Variants in TRHDE observed in about 807,000 individuals in gnomAD.
TRHDE encodes thyrotropin-releasing hormone-degrading ectoenzyme.
TRHDE carries 72 observed loss-of-function variants against 125.7 expected under a neutral mutation model. That is an observed-to-expected ratio of 0.57 (90% CI 0.47 to 0.70). The LOEUF (loss-of-function observed/expected upper bound fraction) is 0.70. Ranked by LOEUF, TRHDE falls within the 30% of genes least tolerant of loss-of-function variation. The pLI is 0.00. For synonymous variants in TRHDE, 509 were observed against 509.1 expected (o/e 1.00, Z 0.00); for missense variants, 1,110 against 1,327.1 (o/e 0.84, Z 2.54).
intron 6 of TRHDE, among the ~76,000 whole-genome samples, chr12:72,534,772 T>C (rs985944981): frequency 6.6e-6 from 1 of 152,134 alleles, no homozygotes; most frequent in African/African-American, 2.4e-5. Flanking sequence ...TACTATGGTA[T>C]GGGCTTTTCC....
intron 2 of TRHDE, among the ~76,000 whole-genome samples, chr12:72,177,161 G>C (rs1877006883): frequency 6.6e-6 from 1 of 151,978 alleles, no homozygotes; most frequent in Non-Finnish European, 1.5e-5. Flanking sequence ...ACTAAGGACA[G>C]ATATGATTGG....
intron 13 of TRHDE, among the ~76,000 whole-genome samples, chr12:72,620,613 A>G (rs376823832): frequency 1.9e-4 from 29 of 152,260 alleles, no homozygotes; most frequent in Non-Finnish European, 4.0e-4. Context: ...TTGACTTTGA[A>G]ATATCATTAT....
At chr12:72,552,464 G>A (rs1869723281) in intron 7 of TRHDE, among the ~76,000 whole-genome samples, 1 of 152,116 alleles carries the variant, frequency 6.6e-6, no homozygotes, top group Non-Finnish European at 1.5e-5. Flanking sequence ...AACACGCCTT[G>A]AACAACTGTA....
chr12:72,626,837 G>A (rs10879471), intron 15 of TRHDE, among the ~76,000 whole-genome samples: 29,296 of 151,812 alleles, frequency 0.19, 5,937 homozygotes, highest in African/African-American at 0.52. Flanking sequence ...TGTATATCTC[G>A]TCCAGAAACC....
chr12:72,634,799 A>G (rs1238238041), intron 15 of TRHDE, among the ~76,000 whole-genome samples: 6 of 151,152 alleles, frequency 4.0e-5, no homozygotes, highest in African/African-American at 2.4e-5. Context: ...ATGATTTCCA[A>G]TTTCATCCAT....
intron 2 of TRHDE, among the ~76,000 whole-genome samples, chr12:72,162,663 CTGTTGTGTGCAATGGAGCTCTGAGTG>C (rs1353305120): frequency 6.6e-6 from 1 of 152,140 alleles, no homozygotes. Flanking sequence ...AAAGTGGATT[CTGTTGTGTGCAATGGAGCTCTGAGTG>C]ATAAAGTAAT....
At chr12:72,312,213 C>T (rs1342273846) in intron 2 of TRHDE, among the ~76,000 whole-genome samples, 1 of 152,184 alleles carries the variant, frequency 6.6e-6, no homozygotes, top group Non-Finnish European at 1.5e-5. Context: ...TGCTGATTTC[C>T]TGTATTGCTG....
chr12:72,323,597 A>T (rs778980380), intron 2 of TRHDE, among the ~76,000 whole-genome samples: 1 of 152,084 alleles, frequency 6.6e-6, no homozygotes, highest in African/African-American at 2.4e-5. Context: ...GCTGGATTAT[A>T]TAAGGGTACC....
At chr12:72,270,885 C>T (rs1879183497), upstream of TRHDE, among the ~76,000 whole-genome samples, 1 of 152,150 alleles carries the variant, frequency 6.6e-6, no homozygotes, top group South Asian at 2.1e-4. Flanking sequence ...GGGCTATGAA[C>T]CTATTTTGAT....
At chr12:72,369,815 T>G (rs570439749) in intron 2 of TRHDE, among the ~76,000 whole-genome samples, 1 of 152,128 alleles carries the variant, frequency 6.6e-6, no homozygotes, top group Non-Finnish European at 1.5e-5. Context: ...TAAAGCCTAG[T>G]AAGCAATTTA....
At chr12:72,503,619 T>C (rs1878242790) in intron 6 of TRHDE, among the ~76,000 whole-genome samples, 1 of 152,356 alleles carries the variant, frequency 6.6e-6, no homozygotes, top group East Asian at 1.9e-4. Context: ...TGATATGTAG[T>C]ATTAACTTTC....
chr12:72,533,032 T>C (rs1049146895), intron 6 of TRHDE, among the ~76,000 whole-genome samples: 4 of 152,110 alleles, frequency 2.6e-5, no homozygotes, highest in African/African-American at 4.8e-5. Context: ...AAGGGTAATA[T>C]GTGACAGTGT....
chr12:72,438,843 G>A (rs1874865797), intron 3 of TRHDE, among the ~76,000 whole-genome samples: 1 of 151,760 alleles, frequency 6.6e-6, no homozygotes, highest in South Asian at 2.1e-4. Context: ...CATCTAAAAA[G>A]GCATTGCCTA....
At chr12:72,431,525 G>T (rs758221963) in intron 3 of TRHDE, among the ~76,000 whole-genome samples, 1 of 151,960 alleles carries the variant, frequency 6.6e-6, no homozygotes, top group Non-Finnish European at 1.5e-5. Flanking sequence ...TGGAAAAAAT[G>T]CCACTATCTG....
At chr12:72,473,284 T>A in intron 5 of TRHDE, 104 bp downstream of exon 5, 2 of 771,526 alleles carry the variant, frequency 2.6e-6, no homozygotes, top group Non-Finnish European at 4.2e-6. Context: ...AACTGATGCA[T>A]GAAAATGTAT....
At chr12:72,174,601 T>A (rs1190804796) in intron 2 of TRHDE, among the ~76,000 whole-genome samples, 4 of 152,208 alleles carry the variant, frequency 2.6e-5, no homozygotes, top group Non-Finnish European at 4.4e-5. Flanking sequence ...TTTTCCTTCA[T>A]GGATGATATG....
chr12:72,267,827 G>T (rs960063766), upstream of TRHDE, among the ~76,000 whole-genome samples: 1 of 152,058 alleles, frequency 6.6e-6, no homozygotes, highest in Non-Finnish European at 1.5e-5. Context: ...GGTGTTAGTT[G>T]TTGTGGACAA....
chr12:72,638,204 T>C (rs1186510231), intron 15 of TRHDE, among the ~76,000 whole-genome samples: 4 of 148,262 alleles, frequency 2.7e-5, no homozygotes, highest in African/African-American at 1.0e-4. Flanking sequence ...TGGGTGCATA[T>C]ATATTTAGGA....
In TRHDE at chr12:72,559,009, T is replaced by C. The variant is rs530841173; in HGVS notation, c.1789-3156T>C. Among the ~76,000 whole-genome samples, 4 of 152,284 alleles carry C rather than the reference T, an allele frequency of 2.6e-5. No individual in the cohort carries two copies. In the East Asian group the frequency reaches 7.7e-4, roughly 29 times the overall value. On this transcript the variant is annotated intron_variant, in intron 7 of 18. Transcript: ENST00000261180. ...TCCAATGTTCTGATTTCTTAAATGA[T>C]GATAATAATGTCTACCTCTAATGTG...
Sources: allele counts gnomAD v4.1 joint callset (sites outside exome capture counted in the v4.1 genomes callset), GRCh38; gene constraint gnomAD v4.1.1; transcripts MANE v1.5; gene names NCBI Gene and HGNC (gene_info 2026-07-23, HGNC 2026-07-21).